The following EPHA3 variants were observed in gnomAD, a reference collection of about 807,000 sequenced individuals.
The protein encoded by EPHA3 is ephrin type-A receptor 3.
In EPHA3, 42 loss-of-function variants were observed where a neutral mutation model predicts 107.1. The observed-to-expected ratio is 0.39, with a 90% CI of 0.31 to 0.51. The LOEUF (loss-of-function observed/expected upper bound fraction) is 0.51. Among genes scored for constraint, EPHA3 ranks in the 20% least tolerant of loss-of-function variants. EPHA3 has a pLI of 0.78. For synonymous variants in EPHA3, 461 were observed against 424.8 expected, an observed-to-expected ratio of 1.09 and a Z score of -1.05; for missense variants, 1,183 against 1,211.2, an observed-to-expected ratio of 0.98 and a Z score of 0.35.
chr3:89,220,959 A>G (rs1310935772), intron 3 of EPHA3, among the ~76,000 whole-genome samples: 2 of 152,208 alleles, frequency 1.3e-5, no homozygotes, highest in Admixed American at 1.3e-4. Flanking sequence ...TGGTGGAATC[A>G]TGTCTCCATT....
chr3:89,338,058 G>A (rs773789598), intron 3 of EPHA3, among the ~76,000 whole-genome samples: 1 of 152,126 alleles, frequency 6.6e-6, no homozygotes, highest in African/African-American at 2.4e-5. Context: ...AAACAAAAAG[G>A]TATCACAAAT....
chr3:89,188,271 C>G (rs996845128), intron 2 of EPHA3, among the ~76,000 whole-genome samples: 3 of 152,118 alleles, frequency 2.0e-5, no homozygotes, highest in African/African-American at 7.2e-5. Flanking sequence ...ATCATAGGCA[C>G]GTGAATGACA....
At chr3:89,221,121 G>A (rs1704362486) in intron 3 of EPHA3, among the ~76,000 whole-genome samples, 1 of 152,134 alleles carries the variant, frequency 6.6e-6, no homozygotes, top group African/African-American at 2.4e-5. Context: ...ATGCTTCCTG[G>A]CAGAGAGAGG....
rs956421081 is a variant in EPHA3 at position 89,359,728 on chromosome 3, TACATATATAC to T, written c.1306+17672_1306+17681del. ...TTGTGTGTGTGTATATATATATACA[TACATATATAC>T]ACATATATACACATATATACACATA... On this transcript the variant is annotated intron_variant, in intron 5 of 16. Transcript: ENST00000336596. Among the ~76,000 whole-genome samples the T allele has an allele frequency of 5.3e-3, 644 of 122,616 alleles. 5 individuals carry two copies. Among genetic ancestry groups the T allele is most frequent in the African/African-American group, 0.016 (503 of 32,030 alleles). The allele number at this position is 122,616 out of a possible 152,430, so 80.4% of individuals were successfully genotyped here. A position where few individuals can be genotyped will look rare whatever the true frequency, so the allele number is the denominator to read the frequency against.
intron 12 of EPHA3, 151 bp downstream of exon 12, chr3:89,429,318 A>G: frequency 4.0e-6 from 2 of 504,264 alleles, no homozygotes; most frequent in Non-Finnish European, 6.8e-6. Flanking sequence ...GGGCTGTAAA[A>G]TTGCATCTTT....
chr3:89,268,161 A>G (rs1705582573), intron 3 of EPHA3, among the ~76,000 whole-genome samples: 1 of 152,122 alleles, frequency 6.6e-6, no homozygotes, highest in Non-Finnish European at 1.5e-5. Context: ...GGATGCATTT[A>G]AATGCCAAAA....
intron 2 of EPHA3, among the ~76,000 whole-genome samples, chr3:89,153,432 T>C (rs1704730426): frequency 1.3e-5 from 2 of 152,052 alleles, no homozygotes; most frequent in Non-Finnish European, 2.9e-5. Flanking sequence ...AAAGTTGTTT[T>C]CCTCTTTTTC....
intron 3 of EPHA3, among the ~76,000 whole-genome samples, chr3:89,249,998 A>G (rs1705124332): frequency 6.6e-6 from 1 of 152,184 alleles, no homozygotes; most frequent in Non-Finnish European, 1.5e-5. Flanking sequence ...AAAATGTTAC[A>G]TCACCAGACT....
chr3:89,289,964 C>T (rs530873470), intron 3 of EPHA3, among the ~76,000 whole-genome samples: 10 of 152,122 alleles, frequency 6.6e-5, no homozygotes, highest in Non-Finnish European at 1.0e-4. Context: ...AAAGCACAGC[C>T]TCAGAGGTAC....
intron 2 of EPHA3, among the ~76,000 whole-genome samples, chr3:89,149,706 T>A (rs896618293): frequency 1.1e-4 from 17 of 148,746 alleles, no homozygotes; most frequent in African/African-American, 3.7e-4. Context: ...ATTGTTCAAT[T>A]CGGCATTACA....
chr3:89,293,485 C>T (rs1394496402), intron 3 of EPHA3, among the ~76,000 whole-genome samples: 1 of 152,128 alleles, frequency 6.6e-6, no homozygotes, highest in East Asian at 1.9e-4. Flanking sequence ...GTGCTCCATA[C>T]ACCCTCTGTG....
chr3:89,164,286 A>C (rs1313377429), intron 2 of EPHA3, among the ~76,000 whole-genome samples: 1 of 152,158 alleles, frequency 6.6e-6, no homozygotes, highest in African/African-American at 2.4e-5. Context: ...TCACCAAAAA[A>C]CTTATAATGT....
chr3:89,122,834 G>A (rs1460100372), intron 1 of EPHA3, among the ~76,000 whole-genome samples: 1 of 152,128 alleles, frequency 6.6e-6, no homozygotes, highest in Non-Finnish European at 1.5e-5. Context: ...AAAAGTCTTA[G>A]TTTGTTCCTT....
chr3:89,182,016 T>C (rs1705453374), intron 2 of EPHA3, among the ~76,000 whole-genome samples: 1 of 148,624 alleles, frequency 6.7e-6, no homozygotes, highest in African/African-American at 2.5e-5. Flanking sequence ...TCATCCTTAC[T>C]TATCTGTTAG....
At chr3:89,442,298 G>GTA (rs1487922034) in intron 13 of EPHA3, among the ~76,000 whole-genome samples, 1 of 152,084 alleles carries the variant, frequency 6.6e-6, no homozygotes, top group Non-Finnish European at 1.5e-5. Context: ...ATTAGTAAAG[G>GTA]TATAGCCTGT....
chr3:89,247,915 A>G (rs1705073496), intron 3 of EPHA3, among the ~76,000 whole-genome samples: 1 of 152,168 alleles, frequency 6.6e-6, no homozygotes, highest in Non-Finnish European at 1.5e-5. Flanking sequence ...ACCTTGGGCA[A>G]TGCAGATGCT....
intron 5 of EPHA3, among the ~76,000 whole-genome samples, chr3:89,371,582 A>C (rs1428274148): frequency 2.0e-5 from 3 of 151,650 alleles, no homozygotes; most frequent in South Asian, 2.1e-4. Flanking sequence ...ACTGTCAGCC[A>C]GGGCCACCTC....
At chr3:89,139,064 T>G (rs930757229) in intron 2 of EPHA3, among the ~76,000 whole-genome samples, 1 of 151,856 alleles carries the variant, frequency 6.6e-6, no homozygotes, top group African/African-American at 2.4e-5. Context: ...AATATTCTTT[T>G]GGGCCTAAGG....
chr3:89,278,461 A>C (rs1344561203), intron 3 of EPHA3, among the ~76,000 whole-genome samples: 1 of 152,142 alleles, frequency 6.6e-6, no homozygotes, highest in East Asian at 1.9e-4. Flanking sequence ...CTTTGCTCTC[A>C]GTGTCTGCCG....
Sources: gnomAD v4.1 joint callset for allele counts (sites outside exome capture counted in the v4.1 genomes callset) on GRCh38, gnomAD v4.1.1 for gene constraint, MANE v1.5 for transcripts, NCBI Gene and HGNC (gene_info 2026-07-23, HGNC 2026-07-21) for gene names.